The following CPLX2 variants were observed in gnomAD, a reference collection of about 807,000 sequenced individuals.
The protein encoded by CPLX2 is complexin 2, also known as complexin-2.
Under a neutral mutation model 16.3 loss-of-function variants are expected in CPLX2, and 5 were observed. The observed-to-expected ratio is 0.31, with a 90% CI of 0.16 to 0.64. The LOEUF is 0.64. Ranked by LOEUF, CPLX2 falls within the 30% of genes least tolerant of loss-of-function variation. CPLX2 has a pLI of 0.79. For missense variants in CPLX2, 144 were observed against 181.4 expected (o/e 0.79, Z 1.18); for synonymous variants, 89 against 73.2 (o/e 1.22, Z -1.10).
At chr5:175,798,590 G>C (rs1046655901) in intron 1 of CPLX2, among the ~76,000 whole-genome samples, 9 of 152,202 alleles carry the variant, frequency 5.9e-5, no homozygotes, top group African/African-American at 2.2e-4. Flanking sequence ...AGCCACCAAG[G>C]CAATGTCACT....
chr5:175,842,496 C>A (rs895295616), intron 2 of CPLX2, among the ~76,000 whole-genome samples: 5 of 152,242 alleles, frequency 3.3e-5, no homozygotes, highest in Non-Finnish European at 7.3e-5. Context: ...CTTTAGCAAA[C>A]GGCCCCGCTT....
At chr5:175,869,840 A>G (rs1014042725), upstream of CPLX2, among the ~76,000 whole-genome samples, 3 of 152,174 alleles carry the variant, frequency 2.0e-5, no homozygotes, top group Admixed American at 2.0e-4. Flanking sequence ...ATTTTCCTTA[A>G]GCCTCAACTA....
intron 1 of CPLX2, among the ~76,000 whole-genome samples, chr5:175,804,611 C>T (rs1268307818): frequency 6.6e-6 from 1 of 152,162 alleles, no homozygotes; most frequent in Non-Finnish European, 1.5e-5. Flanking sequence ...GTCCACGGAC[C>T]GGCAACATCA....
At chr5:175,815,584 T>G (rs1354627910) in intron 2 of CPLX2, among the ~76,000 whole-genome samples, 1 of 152,190 alleles carries the variant, frequency 6.6e-6, no homozygotes, top group African/African-American at 2.4e-5. Context: ...TTTTTAGTAT[T>G]ATCAATTCAC....
At chr5:175,806,587 T>C (rs1385184686) in intron 1 of CPLX2, among the ~76,000 whole-genome samples, 1 of 152,104 alleles carries the variant, frequency 6.6e-6, no homozygotes, top group Non-Finnish European at 1.5e-5. Flanking sequence ...GCCTCCTGGG[T>C]TCAAGTGATT....
upstream of CPLX2, among the ~76,000 whole-genome samples, chr5:175,866,594 C>T (rs1181190450): frequency 2.2e-5 from 3 of 134,754 alleles, no homozygotes; most frequent in African/African-American, 5.5e-5. Flanking sequence ...GAGGGTGGGA[C>T]GGGATGAAGG....
At chr5:175,822,889 G>T (rs1758538954) in intron 2 of CPLX2, among the ~76,000 whole-genome samples, 1 of 152,242 alleles carries the variant, frequency 6.6e-6, no homozygotes, top group Non-Finnish European at 1.5e-5. Context: ...CCATGAGTGG[G>T]AAAGGGGAAC....
chr5:175,804,693 T>G (rs889695471), intron 1 of CPLX2, among the ~76,000 whole-genome samples: 1 of 152,156 alleles, frequency 6.6e-6, no homozygotes. Flanking sequence ...AGAACCTGTG[T>G]TTTAACAAGA....
chr5:175,865,349 T>C (rs1184401710), intron 2 of CPLX2, among the ~76,000 whole-genome samples: 1 of 152,190 alleles, frequency 6.6e-6, no homozygotes, highest in African/African-American at 2.4e-5. Context: ...TCCAGCTCAC[T>C]TACTCCATAA....
intron 2 of CPLX2, among the ~76,000 whole-genome samples, chr5:175,850,253 C>G (rs1049184168): frequency 6.6e-6 from 1 of 152,044 alleles, no homozygotes; most frequent in Non-Finnish European, 1.5e-5. Context: ...GCCCTGGGGT[C>G]TGAGGTCACC....
chr5:175,871,448 A>AGAGAGAGAGAGAGAGAGG (rs1759603968), upstream of CPLX2: 1 of 109,684 alleles, frequency 9.1e-6, no homozygotes, highest in Non-Finnish European at 2.1e-5. Context: ...AGAGAGAGAG[A>AGAGAGAGAGAGAGAGAGG]GAGAGAGAGA....
At chr5:175,869,172 A>G (rs1554121885), upstream of CPLX2, among the ~76,000 whole-genome samples, 1 of 152,210 alleles carries the variant, frequency 6.6e-6, no homozygotes, top group Non-Finnish European at 1.5e-5. Context: ...TTTAATGGCT[A>G]AAGTGTCATG....
intron 2 of CPLX2, among the ~76,000 whole-genome samples, chr5:175,854,845 C>T (rs1019661258): frequency 2.6e-5 from 4 of 152,208 alleles, no homozygotes; most frequent in Admixed American, 6.5e-5. Flanking sequence ...AAAAATTACA[C>T]AATCCATTGA....
intron 2 of CPLX2, 23 bp from the exon 3 acceptor site, chr5:175,878,885 T>C: frequency 6.5e-7 from 1 of 1,531,190 alleles, no homozygotes; most frequent in Non-Finnish European, 8.9e-7. Flanking sequence ...CCCCGCCCTC[T>C]CCTTCCCACC....
chr5:175,864,726 T>C (rs938130039), intron 2 of CPLX2, among the ~76,000 whole-genome samples: 1 of 152,116 alleles, frequency 6.6e-6, no homozygotes, highest in Non-Finnish European at 1.5e-5. Flanking sequence ...GATAAGAGAA[T>C]GAGTGAGTGA....
intron 2 of CPLX2, among the ~76,000 whole-genome samples, chr5:175,811,106 T>C (rs1758304542): frequency 6.6e-6 from 1 of 152,242 alleles, no homozygotes. Flanking sequence ...GTAAGGTGGA[T>C]GGCACATAGT....
At chr5:175,847,548 A>G (rs1032715989) in intron 2 of CPLX2, among the ~76,000 whole-genome samples, 1 of 152,218 alleles carries the variant, frequency 6.6e-6, no homozygotes, top group Non-Finnish European at 1.5e-5. Context: ...GCGCTCTTCC[A>G]TCAGAGTTAC....
chr5:175,878,936 G>C lies in CPLX2; in HGVS notation c.60G>C (p.Leu20=), dbSNP rs1252818188. The change falls in exon 3 of 4, where the codon CTG becomes CTC. Residue 20 remains leucine, a synonymous_variant. Coordinates refer to ENST00000393745, the MANE Select transcript of CPLX2 (RefSeq NM_001008220.2). The part of the protein sequence containing the change: ...GGATKDMGKM[L]GGEEEKDPDA... ...CCACAAAGGACATGGGGAAGATGCT[G>C]GGGGGAGAGGAGGAGAAGGACCCCG... is the stretch of plus-strand genomic sequence containing the variant. The C allele has an allele frequency of 5.0e-6, 8 of 1,612,354 alleles. No individual in the cohort carries two copies. The highest frequency in any genetic ancestry group is 2.2e-5 in the East Asian group (1 of 44,816).
chr5:175,826,511 T>C (rs1247274309), intron 2 of CPLX2, among the ~76,000 whole-genome samples: 2 of 152,126 alleles, frequency 1.3e-5, no homozygotes, highest in Non-Finnish European at 1.5e-5. Flanking sequence ...GAAGCAGATG[T>C]TCCCAAGCAA....
Sources: allele counts gnomAD v4.1 joint callset (sites outside exome capture counted in the v4.1 genomes callset), GRCh38; gene constraint gnomAD v4.1.1; transcripts MANE v1.5; gene names NCBI Gene and HGNC (gene_info 2026-07-23, HGNC 2026-07-21).